Variants in ESPL1 observed in about 807,000 individuals in gnomAD.
The protein encoded by ESPL1 is separin.
A neutral mutation model predicts 217.2 loss-of-function variants in ESPL1; 50 were observed. That is an observed-to-expected ratio of 0.23 (90% CI 0.18 to 0.29). The LOEUF is 0.29. Ranked by LOEUF, ESPL1 falls within the 10% of genes least tolerant of loss-of-function variation. The pLI is 1.00. For synonymous variants in ESPL1, 994 were observed against 1,081.3 expected, an observed-to-expected ratio of 0.92 and a Z score of 1.58; for missense variants, 1,834 against 2,603.0, an observed-to-expected ratio of 0.70 and a Z score of 6.43.
chr12:53,280,978 G>T (rs1328707175), intron 12 of ESPL1, among the ~76,000 whole-genome samples: 1 of 150,698 alleles, frequency 6.6e-6, no homozygotes, highest in Non-Finnish European at 1.5e-5. Context: ...GGCAACAAGA[G>T]CGAAACTCCG....
At position 53,290,727 on chromosome 12, in the gene ESPL1, C is replaced by T. The variant is rs373156202; in HGVS notation, c.5365-114C>T. The T allele has an allele frequency of 1.2e-3, 1,140 of 943,018 alleles. 23 individuals are homozygous for T. The South Asian group carries it at 0.019, about 16-fold the overall frequency. The allele number at this position is 943,018 out of a possible 1,614,324, so 58.4% of individuals were successfully genotyped here. ...CTATCAGCTTCCCAGCAGAAAGATACGTAAGACAGACATGCACATTGGAAA... is the reference window on the plus strand; with the variant it reads ...CTATCAGCTTCCCAGCAGAAAGATATGTAAGACAGACATGCACATTGGAAA... On this transcript the variant is annotated intron_variant, in intron 24 of 30. Transcript: ENST00000257934.
At position 53,287,995 on chromosome 12, in the gene ESPL1, C is replaced by G. The variant is rs760306345; in HGVS notation, c.4200C>G (p.Asp1400Glu). The G allele has an allele frequency of 2.5e-6, 4 of 1,608,178 alleles. No homozygotes were observed. The South Asian group carries it at 3.3e-5, about 13-fold the overall frequency. ...AGGTGAACTTCAGTGATGACAGTGACTTGGAAGACCCTGTCTCAGCTGAGG... is the reference window on the plus strand; with the variant it reads ...AGGTGAACTTCAGTGATGACAGTGAGTTGGAAGACCCTGTCTCAGCTGAGG... ...RLKVNFSDDS[D>E]LEDPVSAEAW... is the part of the protein sequence containing the mutation. Residue 1400 changes from aspartate to glutamate, a missense_variant, in exon 19 of 31, where the codon GAC (aspartate) becomes GAG (glutamate). Physicochemically the swap from Asp to Glu is conservative, Grantham distance 45 (BLOSUM62 2). This residue lies in a region of ESPL1 where 681 missense variants were observed against 808.0 expected (regional missense o/e 0.84). Transcript: ENST00000257934.
At chr12:53,290,292 G>A in intron 23 of ESPL1, 55 bp from the exon 24 acceptor site, 3 of 1,610,472 alleles carry the variant, frequency 1.9e-6, no homozygotes, top group African/African-American at 1.3e-5. Flanking sequence ...GTTGAGGGAG[G>A]GAGAGATGGT....
At chr12:53,268,920 G>C (rs1943616147) in intron 2 of ESPL1, 73 bp downstream of exon 2, 5 of 1,505,534 alleles carry the variant, frequency 3.3e-6, no homozygotes, top group African/African-American at 1.4e-5. Flanking sequence ...CTTTTGAAGA[G>C]ATGGATAAGT....
rs753063106 is a variant in ESPL1 at position 53,268,854 on chromosome 12, G to C, written c.81+7G>C. 2 of 1,607,100 alleles carry C rather than the reference G, an allele frequency of 1.2e-6. No homozygotes were observed. The highest frequency in any genetic ancestry group is 1.3e-5 in the African/African-American group (1 of 74,824). On this transcript the variant is annotated splice_region_variant and intron_variant, in intron 2 of 30. Coordinates refer to ENST00000257934, the MANE Select transcript of ESPL1 (RefSeq NM_012291.5). ...GTTGCTGCCCGCCTTGAAGGTGGGGGTGCTGCCTGGCTCGGGATACACCTG... is the reference window on the plus strand; with the variant it reads ...GTTGCTGCCCGCCTTGAAGGTGGGGCTGCTGCCTGGCTCGGGATACACCTG...
chr12:53,268,429 T>G, intron 1 of ESPL1, 52 bp downstream of exon 1: 1 of 291,944 alleles, frequency 3.4e-6, no homozygotes, highest in Non-Finnish European at 6.5e-6. Context: ...GTGAAGGGGA[T>G]CCCCAGCGCT....
chr12:53,291,020 G>T, intron 25 of ESPL1, 24 bp downstream of exon 25: 1 of 1,555,050 alleles, frequency 6.4e-7, no homozygotes. Context: ...GCAGGGAAGG[G>T]GGCCAGGCCC....
In ESPL1 at chr12:53,288,548, T is replaced by C; in HGVS notation, c.4557T>C (p.Thr1519=). ...DGEDSASGGK[T]PAPGPEAASG... ...CTGCTCTCTCCCCAGGTGGGAAGAC[T>C]CCAGCTCCGGGCCCTGAGGCAGCTT... is the stretch of plus-strand genomic sequence containing the variant. The change falls in exon 20 of 31, where the codon ACT becomes ACC. Residue 1519 remains threonine, a synonymous_variant. Transcript: ENST00000257934. The C allele has an allele frequency of 1.2e-6, 2 of 1,611,888 alleles. No individual in the cohort carries two copies. The highest frequency in any genetic ancestry group is 1.7e-6 in the Non-Finnish European group (2 of 1,179,290).
chr12:53,273,779 A>AT (rs1234812054), intron 6 of ESPL1, among the ~76,000 whole-genome samples: 2 of 146,250 alleles, frequency 1.4e-5, no homozygotes, highest in African/African-American at 5.1e-5. Flanking sequence ...ATTTTCAAAG[A>AT]TCCCCCAGGT....
In ESPL1 at chr12:53,270,701, C is replaced by G. The variant is rs1943654451; in HGVS notation, c.1272C>G (p.Thr424=). ...GCQIVDLADL[T]QLVDSCKSTV... is the part of the protein sequence containing the mutation. ...AGATAGTTGATTTGGCTGACCTGAC[C>G]CAACTAGTGGACAGTTGTAAATCTA... Residue 424 remains threonine, a synonymous_variant, in exon 5 of 31, where the codon ACC becomes ACG. Coordinates refer to ENST00000257934, the MANE Select transcript of ESPL1 (RefSeq NM_012291.5). 2 of 1,613,896 alleles carry G rather than the reference C, an allele frequency of 1.2e-6. No homozygotes were observed. Among genetic ancestry groups the G allele is most frequent in the African/African-American group, 1.3e-5 (1 of 74,874 alleles).
chr12:53,278,618 G>A (rs1287479891), intron 11 of ESPL1, among the ~76,000 whole-genome samples: 6 of 146,800 alleles, frequency 4.1e-5, no homozygotes, highest in Non-Finnish European at 1.5e-5. Context: ...TCAAGATGGA[G>A]TCTCACTCTG....
intron 24 of ESPL1, 137 bp downstream of exon 24, chr12:53,290,606 A>G: frequency 1.7e-5 from 7 of 420,602 alleles, no homozygotes; most frequent in Non-Finnish European, 2.3e-5. Context: ...AAATTTAAAA[A>G]TATGTCACCT....
chr12:53,268,811 C>A lies in ESPL1; in HGVS notation c.45C>A (p.Ser15Arg). ...TCAACTTTGGGACTCTGCTAAGCAG[C>A]CAGAAGGAGGCTGAAGAGTTGCTGC... ...KRVNFGTLLS[S>R]QKEAEELLPA... Residue 15 changes from serine to arginine, a missense_variant, in exon 2 of 31, where the codon AGC becomes AGA. Physicochemically the swap from Ser to Arg is moderately radical, Grantham distance 110. Transcript: ENST00000257934. The A allele has an allele frequency of 6.2e-7, 1 of 1,612,668 alleles. No homozygotes were observed. The highest frequency in any genetic ancestry group is 8.5e-7 in the Non-Finnish European group (1 of 1,179,554).
intron 7 of ESPL1, among the ~76,000 whole-genome samples, chr12:53,275,474 G>A (rs920989733): frequency 1.3e-5 from 2 of 152,068 alleles, no homozygotes; most frequent in Admixed American, 6.6e-5. Context: ...AAAAAAGTGA[G>A]TTGGGGAGGG....
chr12:53,283,085 A>G, intron 14 of ESPL1, 44 bp from the exon 15 acceptor site: 1 of 1,612,494 alleles, frequency 6.2e-7, no homozygotes, highest in East Asian at 2.2e-5. Context: ...AAAGTGGTGA[A>G]GTTCTGGCTG....
intron 8 of ESPL1, 80 bp downstream of exon 8, chr12:53,276,939 C>T: frequency 6.4e-7 from 1 of 1,570,798 alleles, no homozygotes; most frequent in South Asian, 1.2e-5. Flanking sequence ...GTTTCCCTCT[C>T]CACAGCCCTG....
rs1374352847 is a variant in ESPL1 at position 53,292,750 on chromosome 12, C to G, written c.5997-56C>G. ...TGGGACTTGAGAGCCTCTGAAGACA[C>G]AGGCAGAGGCCAGGTATTACTAGCT... On this transcript the variant is annotated intron_variant, in intron 29 of 30. Coordinates refer to ENST00000257934, the MANE Select transcript of ESPL1 (RefSeq NM_012291.5). The surrounding 1 kb of genome is among the most constrained non-coding windows in gnomAD (Gnocchi z 4.5). 1.3e-6 allele frequency: 2 copies of G among 1,599,850 alleles called. No homozygotes were observed. Among genetic ancestry groups the G allele is most frequent in the African/African-American group, 2.7e-5 (2 of 74,790 alleles).
In ESPL1 at chr12:53,282,518, TG is replaced by T. The variant is rs1216947080; in HGVS notation, c.2791+84del. 5.7e-5 allele frequency: 75 copies of T among 1,321,740 alleles called. No homozygotes were observed. In the African/African-American group the frequency reaches 9.4e-4, roughly 17 times the overall value. The allele number at this position is 1,321,740 out of a possible 1,614,324, so 81.9% of individuals were successfully genotyped here. A position where few individuals can be genotyped will look rare whatever the true frequency, so the allele number is the denominator to read the frequency against. On this transcript the variant is annotated intron_variant, in intron 14 of 30. Coordinates refer to ENST00000257934, the MANE Select transcript of ESPL1 (RefSeq NM_012291.5). This position sits in a 1 kb window ranked among gnomAD's most constrained non-coding sequence, Gnocchi z 4.0. ...AGCTCTTCTCAAACCTCATCCCCTC[TG>T]CTGGCTAACTATGTGGCCCAGCCTA...
chr12:53,284,102 G>A lies in ESPL1; in HGVS notation c.3122G>A (p.Arg1041His), dbSNP rs768297582. The change falls in exon 17 of 31, where the codon CGC becomes CAC. Residue 1041 changes from arginine to histidine, a missense_variant. By Grantham distance (29) the Arg-to-His change is conservative (BLOSUM62 0). Transcript: ENST00000257934. Reference protein sequence around the residue: ...LVLKGELELARNDIDLCQSDL... With the variant: ...LVLKGELELAHNDIDLCQSDL... ...CTGAAGGGCGAGCTGGAGCTGGCCC[G>A]CAATGACATTGATCTCTGTCAGTCG... 5 of 1,613,898 alleles carry A rather than the reference G, an allele frequency of 3.1e-6. No homozygotes were observed. Among genetic ancestry groups the A allele is most frequent in the South Asian group, 1.1e-5 (1 of 91,072 alleles).
Sources: allele counts gnomAD v4.1 joint callset (sites outside exome capture counted in the v4.1 genomes callset), GRCh38; gene constraint gnomAD v4.1.1; regional missense constraint gnomAD v4.1.1; non-coding constraint Gnocchi (gnomAD v3.1); transcripts MANE v1.5; gene names NCBI Gene and HGNC (gene_info 2026-07-23, HGNC 2026-07-21).